Variants in ALK observed in about 807,000 individuals in gnomAD.
ALK encodes the protein ALK receptor tyrosine kinase, also known as ALK tyrosine kinase receptor.
In ALK, 74 loss-of-function variants were observed where a neutral mutation model predicts 163.1. That is an observed-to-expected ratio of 0.45 (90% CI 0.38 to 0.55). ALK has a LOEUF of 0.55. ALK is among the 20% of genes least tolerant of loss of function. The pLI, the probability that ALK is intolerant of heterozygous loss-of-function variation, is 0.00. For missense variants in ALK, 2,063 were observed against 2,105.3 expected, an observed-to-expected ratio of 0.98 and a Z score of 0.39; for synonymous variants, 960 against 843.2, an observed-to-expected ratio of 1.14 and a Z score of -2.40.
chr2:29,807,059 G>A (rs185599181), intron 1 of ALK, among the ~76,000 whole-genome samples: 1 of 152,344 alleles, frequency 6.6e-6, no homozygotes, highest in African/African-American at 2.4e-5. Context: ...CCTTAGCAAG[G>A]ATTACAATCT....
chr2:29,264,377 G>A (rs560262086), intron 11 of ALK, among the ~76,000 whole-genome samples: 3 of 152,170 alleles, frequency 2.0e-5, no homozygotes, highest in South Asian at 2.1e-4. Flanking sequence ...TTTTTCCCTC[G>A]ATACTTCATT....
intron 3 of ALK, among the ~76,000 whole-genome samples, chr2:29,604,975 A>G (rs1033692875): frequency 6.6e-6 from 1 of 152,218 alleles, no homozygotes; most frequent in Non-Finnish European, 1.5e-5. Context: ...CAATAAATAT[A>G]GGTGATATTT....
At chr2:29,821,085 C>T (rs541771296) in intron 1 of ALK, among the ~76,000 whole-genome samples, 42 of 152,130 alleles carry the variant, frequency 2.8e-4, no homozygotes, top group Non-Finnish European at 5.1e-4. Flanking sequence ...AGGAGGGGAT[C>T]GAGACTACTG....
chr2:29,868,256 C>T (rs1192036940), intron 1 of ALK, among the ~76,000 whole-genome samples: 2 of 152,180 alleles, frequency 1.3e-5, no homozygotes, highest in Non-Finnish European at 2.9e-5. Flanking sequence ...ATAAGGGGCT[C>T]CTGCCCTTCA....
chr2:29,529,883 G>C (rs1388830095), intron 4 of ALK, among the ~76,000 whole-genome samples: 3 of 152,148 alleles, frequency 2.0e-5, no homozygotes, highest in African/African-American at 7.2e-5. Flanking sequence ...CCAGAGGACA[G>C]AGCAGCTCCT....
chr2:29,867,300 T>C (rs553732124), intron 1 of ALK, among the ~76,000 whole-genome samples: 1 of 152,254 alleles, frequency 6.6e-6, no homozygotes, highest in East Asian at 1.9e-4. Context: ...CAAAAAACAT[T>C]AAGAGATTGT....
At chr2:29,410,592 T>C (rs1159146522) in intron 4 of ALK, among the ~76,000 whole-genome samples, 3 of 152,326 alleles carry the variant, frequency 2.0e-5, no homozygotes, top group Admixed American at 6.5e-5. Context: ...GTATGGCCTA[T>C]TGCTCCTAGG....
intron 25 of ALK, among the ~76,000 whole-genome samples, chr2:29,207,596 C>G (rs979671077): frequency 6.6e-6 from 1 of 152,198 alleles, no homozygotes; most frequent in Non-Finnish European, 1.5e-5. Context: ...TAACATTACT[C>G]CAACCTTATA....
intron 3 of ALK, among the ~76,000 whole-genome samples, chr2:29,676,004 G>C (rs1677861966): frequency 6.6e-6 from 1 of 152,056 alleles, no homozygotes; most frequent in Non-Finnish European, 1.5e-5. Flanking sequence ...GGGATTACAG[G>C]TGTGGGTGAT....
intron 1 of ALK, among the ~76,000 whole-genome samples, chr2:29,820,516 A>G (rs1053556385): frequency 8.5e-5 from 13 of 152,238 alleles, no homozygotes; most frequent in African/African-American, 2.9e-4. Flanking sequence ...GCTGCAGTAG[A>G]TAACCAATAC....
At chr2:29,597,297 G>A (rs1349044353) in intron 3 of ALK, among the ~76,000 whole-genome samples, 1 of 152,190 alleles carries the variant, frequency 6.6e-6, no homozygotes, top group Non-Finnish European at 1.5e-5. Flanking sequence ...CTCTTAAATA[G>A]CTACTGTCAA....
chr2:29,508,314 G>C (rs1672397181), intron 4 of ALK, among the ~76,000 whole-genome samples: 1 of 152,140 alleles, frequency 6.6e-6, no homozygotes, highest in Non-Finnish European at 1.5e-5. Context: ...GCGTCAGCTT[G>C]TTAGAAATGC....
chr2:29,526,552 G>A (rs1038435710), intron 4 of ALK, among the ~76,000 whole-genome samples: 3 of 152,176 alleles, frequency 2.0e-5, no homozygotes, highest in Non-Finnish European at 4.4e-5. Flanking sequence ...TCAGACCATG[G>A]GGGAAAAGAG....
At chr2:29,843,449 A>C (rs1302919135) in intron 1 of ALK, among the ~76,000 whole-genome samples, 1 of 152,164 alleles carries the variant, frequency 6.6e-6, no homozygotes, top group African/African-American at 2.4e-5. Context: ...GGAAGAAAAG[A>C]AGAAAGGGAG....
intron 1 of ALK, among the ~76,000 whole-genome samples, chr2:29,828,904 T>C (rs1025917280): frequency 6.6e-6 from 1 of 151,984 alleles, no homozygotes; most frequent in African/African-American, 2.4e-5. Context: ...AGCAAAGACT[T>C]GGAACCAAGC....
intron 3 of ALK, among the ~76,000 whole-genome samples, chr2:29,631,072 C>A (rs1676357135): frequency 6.6e-6 from 1 of 152,180 alleles, no homozygotes; most frequent in Admixed American, 6.5e-5. Flanking sequence ...TGAATCTACA[C>A]AAACTAAATA....
At chr2:29,860,607 C>G (rs1666254818) in intron 1 of ALK, among the ~76,000 whole-genome samples, 1 of 152,148 alleles carries the variant, frequency 6.6e-6, no homozygotes, top group South Asian at 2.1e-4. Flanking sequence ...ACAAAACATT[C>G]TCCAGGATAG....
At chr2:29,253,403 T>C (rs552608266) in intron 11 of ALK, among the ~76,000 whole-genome samples, 1 of 152,230 alleles carries the variant, frequency 6.6e-6, no homozygotes, top group South Asian at 2.1e-4. Flanking sequence ...TCTAGTTCCT[T>C]TGTCTGTAAA....
intron 23 of ALK, among the ~76,000 whole-genome samples, chr2:29,214,672 A>C (rs1669553589): frequency 2.0e-5 from 3 of 152,184 alleles, no homozygotes; most frequent in Non-Finnish European, 4.4e-5. Context: ...TCAAAAGGAG[A>C]TGTCACCTCC....
Sources: allele counts gnomAD v4.1 joint callset (sites outside exome capture counted in the v4.1 genomes callset), GRCh38; gene constraint gnomAD v4.1.1; transcripts MANE v1.5; gene names NCBI Gene and HGNC (gene_info 2026-07-23, HGNC 2026-07-21).